MFHAS1: variants seen among roughly 807,000 people sequenced by gnomAD.
MFHAS1 encodes the protein multifunctional ROCO family signaling regulator 1.
Under a neutral mutation model 70.4 loss-of-function variants are expected in MFHAS1, and 50 were observed. The observed-to-expected ratio is 0.71, with a 90% CI of 0.57 to 0.90. The LOEUF (loss-of-function observed/expected upper bound fraction) is 0.90, where lower values mean the gene tolerates loss of function less well. MFHAS1 is among the 40% of genes least tolerant of loss of function. The probability of loss-of-function intolerance (pLI) is 0.00; values close to 1 mark genes in which losing one functional copy is unlikely to be tolerated. For synonymous variants in MFHAS1, 952 were observed against 620.0 expected, an observed-to-expected ratio of 1.54 and a Z score of -7.96; for missense variants, 1,795 against 1,347.6, an observed-to-expected ratio of 1.33 and a Z score of -5.20.
intron 1 of MFHAS1, among the ~76,000 whole-genome samples, chr8:8,877,490 G>C (rs1299405178): frequency 1.3e-5 from 2 of 152,144 alleles, no homozygotes; most frequent in Non-Finnish European, 2.9e-5. Flanking sequence ...ATTAGGGTAA[G>C]ATTTAGAGCA....
At chr8:8,862,907 T>TA (rs1751233592) in intron 1 of MFHAS1, among the ~76,000 whole-genome samples, 2 of 152,242 alleles carry the variant, frequency 1.3e-5, no homozygotes, top group Non-Finnish European at 2.9e-5. Flanking sequence ...TATTTAACAG[T>TA]AAAAATCTTT....
chr8:8,798,454 T>C (rs991605159), intron 1 of MFHAS1, among the ~76,000 whole-genome samples: 5 of 151,934 alleles, frequency 3.3e-5, no homozygotes, highest in African/African-American at 9.7e-5. Flanking sequence ...GACTCCCAAA[T>C]AGCTGGGACC....
chr8:8,886,440 T>C (rs988002844), intron 1 of MFHAS1, among the ~76,000 whole-genome samples: 3 of 152,066 alleles, frequency 2.0e-5, no homozygotes, highest in Non-Finnish European at 2.9e-5. Flanking sequence ...AGCAAAGGGA[T>C]TACAGCCCTG....
At chr8:8,860,670 C>A (rs1405249332) in intron 1 of MFHAS1, among the ~76,000 whole-genome samples, 1 of 152,134 alleles carries the variant, frequency 6.6e-6, no homozygotes, top group Non-Finnish European at 1.5e-5. Context: ...TCACCCAGAC[C>A]GCCTCACTTA....
chr8:8,848,725 G>GT lies in MFHAS1; in HGVS notation c.2998+41335dup, dbSNP rs200700310. Among the ~76,000 whole-genome samples, 1,122 of 152,262 alleles carry GT rather than the reference G, an allele frequency of 7.4e-3. 5 individuals carry two copies. The highest frequency in any genetic ancestry group is 0.012 in the Admixed American group (185 of 15,288). ...GATTTTGGTCCTTACATTAGGACGT[G>GT]TTTTTTAAAGCAAACAAATGAAAAA... On this transcript the variant is annotated intron_variant, in intron 1 of 2. Transcript: ENST00000276282.
intron 1 of MFHAS1, among the ~76,000 whole-genome samples, chr8:8,805,437 G>C (rs1255550686): frequency 6.6e-6 from 1 of 152,192 alleles, no homozygotes; most frequent in Non-Finnish European, 1.5e-5. Context: ...AAATGCTATT[G>C]AGACAATCTT....
chr8:8,850,368 A>T (rs1187132350), intron 1 of MFHAS1, among the ~76,000 whole-genome samples: 1 of 152,176 alleles, frequency 6.6e-6, no homozygotes, highest in Non-Finnish European at 1.5e-5. Flanking sequence ...AATCTGAAAA[A>T]ACTTCCCATA....
chr8:8,811,862 G>C (rs181169392), intron 1 of MFHAS1, among the ~76,000 whole-genome samples: 2 of 152,212 alleles, frequency 1.3e-5, no homozygotes, highest in Admixed American at 6.5e-5. Context: ...GGGGCACAGG[G>C]TTAGGCTGCG....
intron 1 of MFHAS1, among the ~76,000 whole-genome samples, chr8:8,835,233 C>T (rs903014351): frequency 1.1e-4 from 17 of 152,084 alleles, no homozygotes; most frequent in Non-Finnish European, 1.5e-5. Context: ...TGTCAAAACC[C>T]ATAGAATCTA....
At chr8:8,889,665 C>T (rs1809911320) in intron 1 of MFHAS1, among the ~76,000 whole-genome samples, 1 of 152,162 alleles carries the variant, frequency 6.6e-6, no homozygotes, top group Admixed American at 6.5e-5. Context: ...ACTCATCTAC[C>T]CCTTTGAGAC....
intron 1 of MFHAS1, among the ~76,000 whole-genome samples, chr8:8,835,768 C>G (rs1189600368): frequency 6.6e-6 from 1 of 152,164 alleles, no homozygotes; most frequent in Non-Finnish European, 1.5e-5. Context: ...ATATTCAGAC[C>G]CAGTTCTCAT....
intron 1 of MFHAS1, among the ~76,000 whole-genome samples, chr8:8,883,425 G>C: frequency 6.6e-6 from 1 of 151,732 alleles, no homozygotes; most frequent in East Asian, 2.0e-4. Flanking sequence ...GGGCTCCCAT[G>C]GGCCAGGCGC....
chr8:8,864,227 G>C (rs1808775581), intron 1 of MFHAS1, among the ~76,000 whole-genome samples: 3 of 152,146 alleles, frequency 2.0e-5, no homozygotes, highest in Admixed American at 2.0e-4. Context: ...CTGGTGTTCT[G>C]GTAACATAAA....
chr8:8,883,320 G>T (rs547367633), intron 1 of MFHAS1, among the ~76,000 whole-genome samples: 6 of 152,308 alleles, frequency 3.9e-5, no homozygotes, highest in African/African-American at 1.4e-4. Context: ...TACTGGGCCT[G>T]CACCCACCCG....
chr8:8,786,024 A>C lies in MFHAS1; in HGVS notation c.3157T>G (p.Ter1053GlyextTer35). The C allele has an allele frequency of 6.2e-7, 1 of 1,614,136 alleles. No individual in the cohort carries two copies. The highest frequency in any genetic ancestry group is 8.5e-7 in the Non-Finnish European group (1 of 1,180,004). The change falls in exon 3 of 3, where the codon TGA becomes GGA. Residue 1053 changes from the stop codon to glycine (G), a stop_lost. Transcript: ENST00000276282. ...TGGAAATTCCACAGCCACAAACGTC[A>C]CTGGTTTCTGTGCTTTTCACCAACA... ...KNVGEKHRNQ[*>G]
chr8:8,816,226 T>C (rs35431455), intron 1 of MFHAS1, among the ~76,000 whole-genome samples: 66,348 of 151,878 alleles, frequency 0.44, 16,041 homozygotes, highest in East Asian at 0.75. Context: ...GGGTCTGGGG[T>C]GACGATTTTA....
chr8:8,877,779 G>C (rs117217843), intron 1 of MFHAS1, among the ~76,000 whole-genome samples: 2,355 of 152,290 alleles, frequency 0.015, 26 homozygotes, highest in Middle Eastern at 0.031. Flanking sequence ...CAATGACAAA[G>C]GGACAGGCTA....
intron 1 of MFHAS1, among the ~76,000 whole-genome samples, chr8:8,845,455 G>A (rs1563201083): frequency 1.3e-5 from 2 of 152,132 alleles, no homozygotes; most frequent in African/African-American, 2.4e-5. Flanking sequence ...GCAGACCCAG[G>A]AGCAGAAGAT....
chr8:8,886,946 C>A (rs1490162002), intron 1 of MFHAS1, among the ~76,000 whole-genome samples: 1 of 152,036 alleles, frequency 6.6e-6, no homozygotes, highest in Non-Finnish European at 1.5e-5. Flanking sequence ...GCCAACCTGG[C>A]GAAACCCCCG....
Sources: gnomAD v4.1 joint callset for allele counts (sites outside exome capture counted in the v4.1 genomes callset) on GRCh38, gnomAD v4.1.1 for gene constraint, MANE v1.5 for transcripts, NCBI Gene and HGNC (gene_info 2026-07-23, HGNC 2026-07-21) for gene names.